Variants in TTI1 observed in about 807,000 individuals in gnomAD.
The protein encoded by TTI1 is TELO2-interacting protein 1 homolog.
A neutral mutation model predicts 85.4 loss-of-function variants in TTI1; 52 were observed. That is an observed-to-expected ratio of 0.61 (90% CI 0.49 to 0.77). The LOEUF (loss-of-function observed/expected upper bound fraction) is 0.77. Among genes scored for constraint, TTI1 ranks in the 30% least tolerant of loss-of-function variants. The probability of loss-of-function intolerance (pLI) is 0.00; values close to 1 mark genes in which losing one functional copy is unlikely to be tolerated. For synonymous variants in TTI1, 512 were observed against 503.9 expected (o/e 1.02, Z -0.22); for missense variants, 1,173 against 1,296.0 (o/e 0.91, Z 1.46).
intron 7 of TTI1, among the ~76,000 whole-genome samples, chr20:37,984,598 G>A (rs1330486737): frequency 6.6e-5 from 10 of 152,190 alleles, no homozygotes. Context: ...AGTGAGCAGG[G>A]CCTCCCAGCC....
intron 7 of TTI1, chr20:37,987,182 G>A (rs1346858426): frequency 2.2e-6 from 1 of 456,630 alleles, no homozygotes; most frequent in African/African-American, 2.0e-5. Context: ...CTTAGCGCCA[G>A]GCTTTGTTCC....
chr20:37,991,313 A>C (rs2073261080), intron 7 of TTI1, among the ~76,000 whole-genome samples: 2 of 152,234 alleles, frequency 1.3e-5, no homozygotes, highest in Admixed American at 1.3e-4. Flanking sequence ...TAAGGGGATG[A>C]GCTACTAATT....
At chr20:37,987,091 A>ACGACAAATTCCAAAC (rs1568606371) in intron 7 of TTI1, 2 of 447,004 alleles carry the variant, frequency 4.5e-6, no homozygotes. Flanking sequence ...AACTCTAAAC[A>ACGACAAATTCCAAAC]CGACAAATTC....
At chr20:38,003,840 TC>T (rs1342228377) in intron 3 of TTI1, among the ~76,000 whole-genome samples, 1 of 152,052 alleles carries the variant, frequency 6.6e-6, no homozygotes, top group East Asian at 1.9e-4. Context: ...CTCTGCTCTG[TC>T]CTTCACTTTT....
At chr20:38,008,332 C>T (rs979929418) in intron 2 of TTI1, among the ~76,000 whole-genome samples, 1 of 152,112 alleles carries the variant, frequency 6.6e-6, no homozygotes, top group Non-Finnish European at 1.5e-5. Flanking sequence ...ATATTCAATG[C>T]AGCATTTTTT....
chr20:38,022,980 C>T (rs558089296), intron 1 of TTI1, among the ~76,000 whole-genome samples: 1 of 152,214 alleles, frequency 6.6e-6, no homozygotes, highest in South Asian at 2.1e-4. Context: ...AAATTTCCAC[C>T]TTTGAATAAC....
intron 7 of TTI1, among the ~76,000 whole-genome samples, chr20:37,986,244 C>G (rs2073188802): frequency 6.6e-6 from 1 of 152,206 alleles, no homozygotes; most frequent in Non-Finnish European, 1.5e-5. Context: ...CAACACCCAG[C>G]AAAGCGGTGC....
Position 38,012,635 on chromosome 20 carries a change from G to T in TTI1, c.1182C>A (p.Asp394Glu), listed in dbSNP as rs2073616381. The T allele has an allele frequency of 5.6e-6, 9 of 1,614,230 alleles. No individual in the cohort carries two copies. Among genetic ancestry groups the T allele is most frequent in the Non-Finnish European group, 7.6e-6 (9 of 1,180,054 alleles). ...AGGAAAGAGTAGAGAATTTGCCCTGGTCATCTTGGGAGTTCATTAGGCGAG... is the reference window on the plus strand; with the variant it reads ...AGGAAAGAGTAGAGAATTTGCCCTGTTCATCTTGGGAGTTCATTAGGCGAG... The part of the protein sequence containing the change: ...SLPRLMNSQD[D>E]QGKFSTLSLL... The change falls in exon 2 of 8, where the codon GAC (aspartate) becomes GAA (glutamate). Residue 394 changes from aspartate to glutamate, a missense_variant. Physicochemically the swap from Asp to Glu is conservative, Grantham distance 45 (BLOSUM62 2). Transcript: ENST00000373447.
At position 38,011,732 on chromosome 20, in the gene TTI1, T is replaced by C; in HGVS notation, c.2085A>G (p.Ser695=). 1.2e-6 allele frequency: 2 copies of C among 1,614,196 alleles called. No homozygotes were observed. The highest frequency in any genetic ancestry group is 1.7e-6 in the Non-Finnish European group (2 of 1,180,038). Residue 695 remains serine, a synonymous_variant, in exon 2 of 8, where the codon TCA becomes TCG. Transcript: ENST00000373447. Reference sequence around the variant, plus strand: ...AAGAGATCCCATTCACTAAATAGTCTGAATTTTGATTGATCAGGTGCTGCA... The same window carrying C: ...AAGAGATCCCATTCACTAAATAGTCCGAATTTTGATTGATCAGGTGCTGCA... The part of the protein sequence containing the change: ...DSLQHLINQN[S]DYLVNGISLN...
intron 7 of TTI1, among the ~76,000 whole-genome samples, chr20:37,987,867 A>C (rs1466149033): frequency 2.6e-5 from 4 of 152,232 alleles, no homozygotes; most frequent in Admixed American, 1.3e-4. Flanking sequence ...AATAAACTCC[A>C]GATGCCAAAC....
rs200697082 is a variant in TTI1, at chr20:38,013,198, C to A, written c.619G>T (p.Ala207Ser). ...GTTGAGATTCCAGGTAAAAAAGAGGCAAACAAATCCCCCAGCTGCTTTTGT... is the reference window on the plus strand; with the variant it reads ...GTTGAGATTCCAGGTAAAAAAGAGGAAAACAAATCCCCCAGCTGCTTTTGT... ...LEQKQLGDLF[A>S]SFLPGISTAL... The change falls in exon 2 of 8, where the codon GCC (alanine) becomes TCC (serine). Residue 207 changes from alanine to serine, a missense_variant. Coordinates refer to ENST00000373447, the MANE Select transcript of TTI1 (RefSeq NM_001303457.2). The A allele has an allele frequency of 2.4e-4, 390 of 1,614,022 alleles. No homozygotes were observed. Among genetic ancestry groups the A allele is most frequent in the Non-Finnish European group, 4.5e-5 (53 of 1,180,008 alleles).
Position 38,025,557 on chromosome 20 carries a change from G to A in TTI1, c.-42+7847C>T, listed in dbSNP as rs1424340255. ...GCACTCCAGCCTGGGCAACAAGAGC[G>A]ACACTCCATCTCAAAAAAAAAAAGA... is the stretch of plus-strand genomic sequence containing the variant. On this transcript the variant is annotated intron_variant, in intron 1 of 7. Transcript: ENST00000373447. Among the ~76,000 whole-genome samples, 5 of 149,156 alleles carry A rather than the reference G, an allele frequency of 3.4e-5. No homozygotes were observed. In the East Asian group the frequency reaches 9.8e-4, roughly 29 times the overall value.
chr20:38,029,210 C>T (rs1385336441), intron 1 of TTI1, among the ~76,000 whole-genome samples: 7 of 151,320 alleles, frequency 4.6e-5, no homozygotes, highest in East Asian at 3.9e-4. Context: ...AAATAATCCA[C>T]GGAACAGAGA....
intron 1 of TTI1, among the ~76,000 whole-genome samples, chr20:38,016,589 ATC>A (rs1277065591): frequency 2.0e-5 from 3 of 152,132 alleles, no homozygotes; most frequent in South Asian, 2.1e-4. Flanking sequence ...AAACCCTAGA[ATC>A]TCTGTTTTCT....
intron 1 of TTI1, among the ~76,000 whole-genome samples, chr20:38,023,518 G>GA (rs2073797304): frequency 6.6e-6 from 1 of 152,188 alleles, no homozygotes; most frequent in Non-Finnish European, 1.5e-5. Flanking sequence ...GTCGTATGAT[G>GA]AAATAGGTTC....
intron 7 of TTI1, among the ~76,000 whole-genome samples, chr20:37,993,220 C>T (rs1321126253): frequency 6.7e-6 from 1 of 148,638 alleles, no homozygotes; most frequent in Non-Finnish European, 1.5e-5. Flanking sequence ...CATGCCTCCC[C>T]CAGTTGGAAG....
In TTI1 at chr20:38,020,323, A is replaced by AATATAT. The variant is rs1159604655; in HGVS notation, c.-41-6472_-41-6467dup. 4.8e-3 allele frequency among the ~76,000 whole-genome samples: 244 copies of AATATAT among 50,310 alleles called. 8 individuals are homozygous for AATATAT. Among genetic ancestry groups the AATATAT allele is most frequent in the African/African-American group, 0.011 (119 of 11,190 alleles). The allele number at this position is 50,310 out of a possible 152,430, so 33.0% of individuals were successfully genotyped here. On this transcript the variant is annotated intron_variant, in intron 1 of 7. Transcript: ENST00000373447. The stretch of plus-strand genomic sequence containing the variant: ...GGCTACTCATATGAAAAAAAAAAAA[A>AATATAT]ATATATATATATATATATATATATA...
intron 1 of TTI1, chr20:38,019,183 T>C (rs894941107): frequency 4.6e-5 from 7 of 150,742 alleles, no homozygotes; most frequent in Non-Finnish European, 1.0e-4. Context: ...TTCAGATATT[T>C]ACAACAAACA....
At chr20:38,025,586 A>T (rs375847228) in intron 1 of TTI1, among the ~76,000 whole-genome samples, 1 of 152,056 alleles carries the variant, frequency 6.6e-6, no homozygotes, top group Non-Finnish European at 1.5e-5. Flanking sequence ...AAAAAGAAAA[A>T]GAAAAAAAGA....
Sources: allele counts gnomAD v4.1 joint callset (sites outside exome capture counted in the v4.1 genomes callset), GRCh38; gene constraint gnomAD v4.1.1; transcripts MANE v1.5; gene names NCBI Gene and HGNC (gene_info 2026-07-23, HGNC 2026-07-21).